Variants in HTR2C observed in about 807,000 individuals in gnomAD.
The protein encoded by HTR2C is 5-hydroxytryptamine receptor 2C.
In HTR2C, 5 loss-of-function variants were observed where a neutral mutation model predicts 21.0. That is an observed-to-expected ratio of 0.24 (90% CI 0.12 to 0.50). HTR2C has a LOEUF of 0.50. Ranked by LOEUF, HTR2C falls within the 20% of genes least tolerant of loss-of-function variation. The pLI is 0.98. For missense variants in HTR2C, 271 were observed against 371.2 expected, an observed-to-expected ratio of 0.73 and a Z score of 2.22; for synonymous variants, 150 against 145.3, an observed-to-expected ratio of 1.03 and a Z score of -0.23.
intron 1 of HTR2C, among the ~76,000 whole-genome samples, chrX:114,604,395 C>T (rs1928296403): frequency 9.1e-6 from 1 of 110,314 alleles, no homozygotes; most frequent in African/African-American, 3.3e-5. Flanking sequence ...ATACCCACAA[C>T]AGTTATGGAG....
intron 4 of HTR2C, among the ~76,000 whole-genome samples, chrX:114,742,893 C>T (rs1183047027): frequency 5.7e-5 from 3 of 52,418 alleles, no homozygotes; most frequent in African/African-American, 2.1e-4. Context: ...CCCGACCCCA[C>T]CACAGTCCCC....
intron 1 of HTR2C, among the ~76,000 whole-genome samples, chrX:114,613,189 T>G (rs1285326456): frequency 1.8e-5 from 2 of 111,243 alleles, no homozygotes; most frequent in Non-Finnish European, 3.8e-5. Context: ...TCCGCCCACC[T>G]CGGCCTCCCA....
intron 2 of HTR2C, among the ~76,000 whole-genome samples, chrX:114,714,102 G>C (rs1178140757): frequency 1.8e-5 from 2 of 111,633 alleles, no homozygotes; most frequent in African/African-American, 6.5e-5. Flanking sequence ...TATAAAATAG[G>C]CATATCAGTT....
chrX:114,787,117 A>T (rs2070183141), intron 4 of HTR2C, among the ~76,000 whole-genome samples: 1 of 111,643 alleles, frequency 9.0e-6, no homozygotes, highest in African/African-American at 3.3e-5. Context: ...AGTCTTTCCA[A>T]ATTCAAAGAC....
chrX:114,818,541 C>T (rs1904363033), intron 4 of HTR2C, among the ~76,000 whole-genome samples: 1 of 111,640 alleles, frequency 9.0e-6, no homozygotes, highest in African/African-American at 3.3e-5. Context: ...TGCTCTATCC[C>T]TGATCACTTC....
At chrX:114,826,383 G>C (rs1432015905) in intron 4 of HTR2C, among the ~76,000 whole-genome samples, 4 of 111,658 alleles carry the variant, frequency 3.6e-5, no homozygotes, top group Non-Finnish European at 7.5e-5. Context: ...AAAGCTTTTT[G>C]AACATCTATA....
chrX:114,876,603 A>G (rs2071139577), intron 5 of HTR2C, among the ~76,000 whole-genome samples: 1 of 108,944 alleles, frequency 9.2e-6, no homozygotes, highest in African/African-American at 3.3e-5. Context: ...ACATTGAGGT[A>G]TATTCCTTTG....
intron 2 of HTR2C, among the ~76,000 whole-genome samples, chrX:114,693,709 G>A (rs1556415408): frequency 9.0e-6 from 1 of 111,489 alleles, no homozygotes; most frequent in Non-Finnish European, 1.9e-5. Flanking sequence ...AATCACCCCT[G>A]GTTGAGAACC....
chrX:114,868,813 T>C (rs919186776), intron 5 of HTR2C, among the ~76,000 whole-genome samples: 8 of 111,486 alleles, frequency 7.2e-5, no homozygotes, highest in African/African-American at 2.0e-4. Context: ...TTTTCTTGGA[T>C]TGTCATTCAG....
chrX:114,629,814 G>C (rs1245826646), intron 2 of HTR2C, among the ~76,000 whole-genome samples: 1 of 111,216 alleles, frequency 9.0e-6, no homozygotes, highest in Non-Finnish European at 1.9e-5. Context: ...GAGCACCTAA[G>C]CAGCATCATT....
At chrX:114,898,863 C>T (rs981750911) in intron 5 of HTR2C, among the ~76,000 whole-genome samples, 10 of 111,452 alleles carry the variant, frequency 9.0e-5, no homozygotes, top group Non-Finnish European at 1.9e-4. Flanking sequence ...CTTAGGATTG[C>T]CTTGGCTATT....
chrX:114,668,781 T>C (rs1931265522), intron 2 of HTR2C, among the ~76,000 whole-genome samples: 1 of 111,358 alleles, frequency 9.0e-6, no homozygotes, highest in Middle Eastern at 4.7e-3. Flanking sequence ...AGAGAGATTA[T>C]ATAGCCACAG....
chrX:114,800,368 G>A (rs2070333701), intron 4 of HTR2C, among the ~76,000 whole-genome samples: 1 of 110,871 alleles, frequency 9.0e-6, no homozygotes, highest in Admixed American at 9.7e-5. Context: ...TGGGAATACT[G>A]GATTCAAGTA....
chrX:114,887,818 G>A (rs1483836331), intron 5 of HTR2C, among the ~76,000 whole-genome samples: 5 of 110,100 alleles, frequency 4.5e-5, no homozygotes, highest in Non-Finnish European at 9.5e-5. Flanking sequence ...TCAGGAGTTC[G>A]AGACCAGCCT....
chrX:114,770,963 G>A (rs1407928411), intron 4 of HTR2C, among the ~76,000 whole-genome samples: 7 of 109,205 alleles, frequency 6.4e-5, no homozygotes, highest in Non-Finnish European at 9.5e-5. Context: ...CACGACACCC[G>A]GCTATTGTTT....
chrX:114,607,004 G>A (rs782142843), intron 1 of HTR2C, among the ~76,000 whole-genome samples: 1 of 107,876 alleles, frequency 9.3e-6, no homozygotes, highest in East Asian at 2.9e-4. Context: ...GTCGCAAGGT[G>A]CTCAGTGGGG....
intron 4 of HTR2C, among the ~76,000 whole-genome samples, chrX:114,795,153 C>T (rs1200121088): frequency 2.7e-5 from 3 of 111,042 alleles, no homozygotes; most frequent in African/African-American, 9.8e-5. Flanking sequence ...TTTCATGTGT[C>T]TTTTGGCTGC....
chrX:114,891,016 G>T (rs2071254837), intron 5 of HTR2C, among the ~76,000 whole-genome samples: 1 of 110,972 alleles, frequency 9.0e-6, no homozygotes, highest in African/African-American at 3.3e-5. Context: ...TTCATATTTT[G>T]TATCATTTTA....
chrX:114,749,165 C>T (rs1338643410), intron 4 of HTR2C, among the ~76,000 whole-genome samples: 4 of 110,020 alleles, frequency 3.6e-5, no homozygotes, highest in East Asian at 5.7e-4. Context: ...CAACAAACCA[C>T]TTGCTGAGTG....
Sources: gnomAD v4.1 joint callset for allele counts (sites outside exome capture counted in the v4.1 genomes callset) on GRCh38, gnomAD v4.1.1 for gene constraint, MANE v1.5 for transcripts, NCBI Gene and HGNC (gene_info 2026-07-23, HGNC 2026-07-21) for gene names.